Variants in RABGAP1L observed in about 807,000 individuals in gnomAD.
RABGAP1L encodes the protein RAB GTPase activating protein 1 like, also known as rab GTPase-activating protein 1-like.
A neutral mutation model predicts 137.7 loss-of-function variants in RABGAP1L; 63 were observed. The ratio of observed to expected loss-of-function variants is 0.46; its 90% CI spans 0.37 to 0.56. The LOEUF is 0.56. Among genes scored for constraint, RABGAP1L ranks in the 20% least tolerant of loss-of-function variants. The probability of loss-of-function intolerance (pLI) is 0.00; values close to 1 mark genes in which losing one functional copy is unlikely to be tolerated. For missense variants in RABGAP1L, 1,095 were observed against 1,244.0 expected (o/e 0.88, Z 1.80); for synonymous variants, 431 against 433.7 (o/e 0.99, Z 0.08).
At chr1:174,877,059 G>A (rs990323957) in intron 19 of RABGAP1L, among the ~76,000 whole-genome samples, 1 of 152,090 alleles carries the variant, frequency 6.6e-6, no homozygotes, top group Admixed American at 6.5e-5. Flanking sequence ...TAATAATACT[G>A]CAGTAAGAAG....
At chr1:174,479,219 G>A (rs759223153) in intron 13 of RABGAP1L, among the ~76,000 whole-genome samples, 5 of 152,204 alleles carry the variant, frequency 3.3e-5, no homozygotes, top group Non-Finnish European at 7.3e-5. Context: ...ACTGCTCCTG[G>A]TCTAGGTACC....
Position 174,621,096 on chromosome 1 carries a change from A to T in RABGAP1L, c.1711-16279A>T, listed in dbSNP as rs1162935838. ...CAAGACTAAACCAGGAAGAACTCCC[A>T]TTCATAATTGCTTCAAAGAGAATAA... On this transcript the variant is annotated intron_variant, in intron 13 of 25. Coordinates refer to ENST00000681986, the MANE Select transcript of RABGAP1L (RefSeq NM_001366446.1). Among the ~76,000 whole-genome samples, 5 of 152,248 alleles carry T rather than the reference A, an allele frequency of 3.3e-5. No individual in the cohort carries two copies. The East Asian group carries it at 9.6e-4, about 29-fold the overall frequency.
At chr1:174,275,735 TA>T in intron 8 of RABGAP1L, 97 bp from the exon 9 acceptor site, 1 of 840,078 alleles carries the variant, frequency 1.2e-6, no homozygotes, top group Non-Finnish European at 1.8e-6. Context: ...ACTGTTAATC[TA>T]AATTTTAATA....
chr1:174,494,890 T>G (rs1462948878), intron 13 of RABGAP1L, among the ~76,000 whole-genome samples: 2 of 152,144 alleles, frequency 1.3e-5, no homozygotes, highest in Middle Eastern at 3.2e-3. Flanking sequence ...TGGGGAGACT[T>G]GAGTGCATCA....
chr1:174,460,337 CTAAAT>C (rs1161552073), intron 13 of RABGAP1L, among the ~76,000 whole-genome samples: 2 of 151,948 alleles, frequency 1.3e-5, no homozygotes, highest in Admixed American at 6.6e-5. Flanking sequence ...AAAAAAGAGA[CTAAAT>C]TACGCATAGT....
intron 1 of RABGAP1L, among the ~76,000 whole-genome samples, chr1:174,202,910 T>A (rs533259567): frequency 8.3e-4 from 126 of 152,276 alleles, no homozygotes; most frequent in African/African-American, 2.8e-3. Flanking sequence ...AAATAGGGAA[T>A]CCTTTCCCCA....
intron 12 of RABGAP1L, among the ~76,000 whole-genome samples, chr1:174,377,212 T>C (rs200779434): frequency 6.7e-6 from 1 of 149,860 alleles, no homozygotes. Context: ...AAGACAGAAA[T>C]AAATGAAGAT....
At chr1:174,490,306 C>G (rs143069565) in intron 13 of RABGAP1L, among the ~76,000 whole-genome samples, 1 of 152,156 alleles carries the variant, frequency 6.6e-6, no homozygotes, top group African/African-American at 2.4e-5. Flanking sequence ...ACCCCAAGCC[C>G]GGTAACACTG....
At chr1:174,534,132 C>CTGTGTGTGTGTG (rs35255973) in intron 13 of RABGAP1L, among the ~76,000 whole-genome samples, 118 of 132,620 alleles carry the variant, frequency 8.9e-4, no homozygotes, top group Non-Finnish European at 1.4e-3. Context: ...GAGGTCAACT[C>CTGTGTGTGTGTG]TGTGTGTGTG....
At chr1:174,228,905 A>G (rs922222098) in intron 3 of RABGAP1L, among the ~76,000 whole-genome samples, 1 of 152,042 alleles carries the variant, frequency 6.6e-6, no homozygotes, top group Non-Finnish European at 1.5e-5. Context: ...CAGAATGTGG[A>G]TTTTAGGTAG....
intron 19 of RABGAP1L, among the ~76,000 whole-genome samples, chr1:174,835,442 A>G (rs1293651204): frequency 6.6e-6 from 1 of 152,168 alleles, no homozygotes; most frequent in African/African-American, 2.4e-5. Context: ...CTGAGAGGCA[A>G]ATTTTTTAAA....
At chr1:174,620,249 T>C (rs924707438) in intron 13 of RABGAP1L, among the ~76,000 whole-genome samples, 4 of 152,016 alleles carry the variant, frequency 2.6e-5, no homozygotes, top group Non-Finnish European at 5.9e-5. Context: ...AACAAGGATA[T>C]CCAGGAATTG....
intron 13 of RABGAP1L, among the ~76,000 whole-genome samples, chr1:174,627,777 G>T (rs920601297): frequency 6.6e-6 from 1 of 152,124 alleles, no homozygotes; most frequent in Non-Finnish European, 1.5e-5. Context: ...CAGTTTTTCA[G>T]ACTTTATGAC....
At chr1:174,633,158 T>C (rs1673586058) in intron 13 of RABGAP1L, among the ~76,000 whole-genome samples, 1 of 151,192 alleles carries the variant, frequency 6.6e-6, no homozygotes, top group African/African-American at 2.4e-5. Context: ...CAAAATCTCC[T>C]TAAGCTGATA....
chr1:174,890,861 T>C (rs1224087632), intron 19 of RABGAP1L, among the ~76,000 whole-genome samples: 1 of 152,232 alleles, frequency 6.6e-6, no homozygotes, highest in Non-Finnish European at 1.5e-5. Flanking sequence ...ATTTCTATAA[T>C]ATGTGTAACC....
At chr1:174,806,443 C>G (rs1345366299) in intron 18 of RABGAP1L, among the ~76,000 whole-genome samples, 1 of 151,958 alleles carries the variant, frequency 6.6e-6, no homozygotes, top group Non-Finnish European at 1.5e-5. Context: ...GTAAAAGAAA[C>G]AAACAAAAAA....
intron 13 of RABGAP1L, among the ~76,000 whole-genome samples, chr1:174,606,510 T>C (rs773356844): frequency 7.9e-5 from 12 of 152,212 alleles, no homozygotes; most frequent in Non-Finnish European, 1.5e-4. Flanking sequence ...AAGACGTTAA[T>C]TGGTTGGTCT....
chr1:174,708,174 G>C (rs546863060), intron 17 of RABGAP1L, among the ~76,000 whole-genome samples: 34 of 152,136 alleles, frequency 2.2e-4, no homozygotes, highest in Admixed American at 5.9e-4. Context: ...TACATTATTT[G>C]ATTAAATATC....
chr1:174,377,706 A>G (rs1486561335), intron 12 of RABGAP1L, among the ~76,000 whole-genome samples: 2 of 151,568 alleles, frequency 1.3e-5, no homozygotes, highest in African/African-American at 2.4e-5. Context: ...AGATAATAAC[A>G]AGTGTTGGCA....
Sources: allele counts gnomAD v4.1 joint callset (sites outside exome capture counted in the v4.1 genomes callset), GRCh38; gene constraint gnomAD v4.1.1; transcripts MANE v1.5; gene names NCBI Gene and HGNC (gene_info 2026-07-23, HGNC 2026-07-21).